CADM2: variants seen among roughly 807,000 people sequenced by gnomAD.
CADM2 encodes cell adhesion molecule 2.
Under a neutral mutation model 49.8 loss-of-function variants are expected in CADM2, and 12 were observed. The observed-to-expected ratio is 0.24, with a 90% CI of 0.15 to 0.39. The LOEUF is 0.39. Among genes scored for constraint, CADM2 ranks in the 10% least tolerant of loss-of-function variants. CADM2 has a pLI of 1.00. For synonymous variants in CADM2, 214 were observed against 175.4 expected, an observed-to-expected ratio of 1.22 and a Z score of -1.74; for missense variants, 378 against 492.3, an observed-to-expected ratio of 0.77 and a Z score of 2.20.
intron 1 of CADM2, among the ~76,000 whole-genome samples, chr3:85,229,665 G>A (rs1488781757): frequency 6.6e-6 from 1 of 152,182 alleles, no homozygotes; most frequent in East Asian, 1.9e-4. Context: ...ATTGTCTTTG[G>A]CTACAAAGAT....
intron 1 of CADM2, among the ~76,000 whole-genome samples, chr3:85,070,243 A>C (rs990666184): frequency 8.5e-5 from 13 of 152,138 alleles, no homozygotes; most frequent in Admixed American, 1.3e-4. Context: ...ATGTGGGCTA[A>C]AATTATTAAT....
rs190664944 is a variant in CADM2, at chr3:85,381,567, G to T, written c.62-344955G>T. Among the ~76,000 whole-genome samples the T allele has an allele frequency of 1.7e-4, 24 of 139,020 alleles. 2 individuals are homozygous for T. In the East Asian group the frequency reaches 4.9e-3, roughly 29 times the overall value. 91.2% of individuals were successfully genotyped at this position (139,020 alleles called of 152,430 possible). On this transcript the variant is annotated intron_variant, in intron 1 of 9. Coordinates refer to ENST00000383699, the MANE Select transcript of CADM2 (RefSeq NM_001167675.2). The stretch of plus-strand genomic sequence containing the variant: ...TTTATTTTTAAGACTGTAGTAACAG[G>T]TTCTAATATGTAGCCATTCCTTATT...
At chr3:85,152,692 T>G (rs972032909) in intron 1 of CADM2, among the ~76,000 whole-genome samples, 7 of 152,260 alleles carry the variant, frequency 4.6e-5, no homozygotes, top group African/African-American at 7.2e-5. Flanking sequence ...GCACGGTGGC[T>G]CACGCCTGTA....
At chr3:85,533,768 G>T (rs1367103010) in intron 1 of CADM2, among the ~76,000 whole-genome samples, 1 of 152,154 alleles carries the variant, frequency 6.6e-6, no homozygotes, top group Non-Finnish European at 1.5e-5. Context: ...GAAGCAGAAG[G>T]TGAGTTTGAT....
chr3:85,792,915 T>G (rs551629334), intron 2 of CADM2, among the ~76,000 whole-genome samples: 1 of 152,278 alleles, frequency 6.6e-6, no homozygotes, highest in African/African-American at 2.4e-5. Flanking sequence ...GGCCATAATT[T>G]TAGAATTTTC....
intron 3 of CADM2, among the ~76,000 whole-genome samples, chr3:85,825,735 A>T (rs1171394930): frequency 6.6e-6 from 1 of 152,036 alleles, no homozygotes; most frequent in Non-Finnish European, 1.5e-5. Flanking sequence ...CCGATTTTTT[A>T]AAAATGTTAT....
At chr3:85,936,065 A>T (rs750976162) in intron 7 of CADM2, among the ~76,000 whole-genome samples, 10 of 151,704 alleles carry the variant, frequency 6.6e-5, no homozygotes, top group Non-Finnish European at 1.3e-4. Context: ...TTCTGGGAAG[A>T]TTTCCAGCTG....
intron 2 of CADM2, among the ~76,000 whole-genome samples, chr3:85,799,365 G>A (rs1357311050): frequency 6.6e-6 from 1 of 152,174 alleles, no homozygotes; most frequent in African/African-American, 2.4e-5. Flanking sequence ...CAAAGGGAAT[G>A]CTTCCAGCTT....
At chr3:85,281,444 G>C (rs2043496334) in intron 1 of CADM2, among the ~76,000 whole-genome samples, 1 of 151,954 alleles carries the variant, frequency 6.6e-6, no homozygotes, top group Non-Finnish European at 1.5e-5. Context: ...CAATATTTTT[G>C]AGTAGAATAT....
At chr3:85,921,700 C>G (rs550592158) in intron 6 of CADM2, among the ~76,000 whole-genome samples, 12 of 152,100 alleles carry the variant, frequency 7.9e-5, no homozygotes, top group Non-Finnish European at 1.0e-4. Flanking sequence ...GTTCACTCTG[C>G]ATTGTGTAGT....
intron 1 of CADM2, among the ~76,000 whole-genome samples, chr3:85,639,338 T>C (rs1363683977): frequency 1.3e-5 from 2 of 152,210 alleles, no homozygotes; most frequent in African/African-American, 4.8e-5. Context: ...TATGCATCAC[T>C]AAACATTGCA....
intron 1 of CADM2, among the ~76,000 whole-genome samples, chr3:85,014,023 G>A (rs564035562): frequency 2.4e-4 from 34 of 142,108 alleles, no homozygotes; most frequent in African/African-American, 7.7e-4. Flanking sequence ...TTATATATAC[G>A]CAGTGTAATA....
intron 6 of CADM2, among the ~76,000 whole-genome samples, chr3:85,922,094 T>C (rs1719192022): frequency 6.6e-6 from 1 of 151,982 alleles, no homozygotes; most frequent in African/African-American, 2.4e-5. Flanking sequence ...CATCATCTTC[T>C]TCTTCCTCTT....
chr3:85,381,880 C>A (rs2033928353), intron 1 of CADM2, among the ~76,000 whole-genome samples: 2 of 152,032 alleles, frequency 1.3e-5, no homozygotes, highest in African/African-American at 4.8e-5. Flanking sequence ...GCAGGACACA[C>A]TGACATGCCA....
chr3:85,499,548 T>C (rs2107662212), intron 1 of CADM2, among the ~76,000 whole-genome samples: 1 of 151,484 alleles, frequency 6.6e-6, no homozygotes, highest in East Asian at 1.9e-4. Context: ...AAATTAATAT[T>C]AATGTATTAT....
intron 1 of CADM2, among the ~76,000 whole-genome samples, chr3:84,970,297 G>C (rs1222177234): frequency 6.7e-6 from 1 of 148,324 alleles, no homozygotes; most frequent in Non-Finnish European, 1.5e-5. Flanking sequence ...GCATTTGAAA[G>C]ATAGAGGTAG....
Position 85,529,733 on chromosome 3 carries a change from G to A in CADM2, c.62-196789G>A, listed in dbSNP as rs769676339. Among the ~76,000 whole-genome samples the A allele has an allele frequency of 5.9e-5, 9 of 151,862 alleles. 1 individual carries two copies. Among genetic ancestry groups the A allele is most frequent in the Non-Finnish European group, 1.3e-4 (9 of 68,006 alleles). ...TGCATTTACCTGCCCTCAGCATTTG[G>A]AACGTATTTCCACTATCCGGGCCTC... is the stretch of plus-strand genomic sequence containing the variant. On this transcript the variant is annotated intron_variant, in intron 1 of 9. Coordinates refer to ENST00000383699, the MANE Select transcript of CADM2 (RefSeq NM_001167675.2).
At chr3:85,340,794 A>G (rs1297772438) in intron 1 of CADM2, among the ~76,000 whole-genome samples, 2 of 151,756 alleles carry the variant, frequency 1.3e-5, no homozygotes, top group Non-Finnish European at 3.0e-5. Context: ...TTTTTTTAAA[A>G]TAAATCTTTT....
chr3:85,180,363 G>T (rs981006564), intron 1 of CADM2, among the ~76,000 whole-genome samples: 3 of 151,776 alleles, frequency 2.0e-5, no homozygotes, highest in Non-Finnish European at 4.4e-5. Flanking sequence ...TTAAAAATTA[G>T]CCAGGCTTGG....
Sources: gnomAD v4.1 joint callset for allele counts (sites outside exome capture counted in the v4.1 genomes callset) on GRCh38, gnomAD v4.1.1 for gene constraint, MANE v1.5 for transcripts, NCBI Gene and HGNC (gene_info 2026-07-23, HGNC 2026-07-21) for gene names.